The following PTPRN2 variants were observed in gnomAD, a reference collection of about 807,000 sequenced individuals.
PTPRN2 encodes the protein protein tyrosine phosphatase receptor type N2.
In PTPRN2, 74 loss-of-function variants were observed where a neutral mutation model predicts 118.8. The ratio of observed to expected loss-of-function variants is 0.62; its 90% CI spans 0.52 to 0.76. PTPRN2 has a LOEUF of 0.76. Ranked by LOEUF, PTPRN2 falls within the 30% of genes least tolerant of loss-of-function variation. The pLI is 0.00. For missense variants in PTPRN2, 1,481 were observed against 1,394.4 expected, an observed-to-expected ratio of 1.06 and a Z score of -0.99; for synonymous variants, 641 against 608.0, an observed-to-expected ratio of 1.05 and a Z score of -0.80.
At chr7:158,523,534 T>G (rs1487719942) in intron 1 of PTPRN2, among the ~76,000 whole-genome samples, 8 of 51,042 alleles carry the variant, frequency 1.6e-4, no homozygotes, top group East Asian at 1.4e-3. Flanking sequence ...GAGCAGAGTC[T>G]GCCCTGGAAT....
At chr7:157,906,407 G>C (rs539219188) in intron 11 of PTPRN2, among the ~76,000 whole-genome samples, 1 of 152,268 alleles carries the variant, frequency 6.6e-6, no homozygotes, top group South Asian at 2.1e-4. Context: ...AATTAGCAAT[G>C]TCCATACTTT....
chr7:157,645,647 C>A (rs1264674167), intron 14 of PTPRN2, among the ~76,000 whole-genome samples: 1 of 152,120 alleles, frequency 6.6e-6, no homozygotes, highest in Non-Finnish European at 1.5e-5. Flanking sequence ...TGGGGCCGGG[C>A]TGTACACACT....
chr7:157,606,462 C>T (rs777225385), intron 15 of PTPRN2, among the ~76,000 whole-genome samples: 1 of 152,266 alleles, frequency 6.6e-6, no homozygotes, highest in Non-Finnish European at 1.5e-5. Flanking sequence ...ACTGCCATCC[C>T]TGGCTGAAAT....
chr7:158,463,905 C>T (rs566481060), intron 2 of PTPRN2, among the ~76,000 whole-genome samples: 1 of 147,248 alleles, frequency 6.8e-6, no homozygotes, highest in Non-Finnish European at 1.5e-5. Context: ...TCCTTACCAT[C>T]GCCATCATTG....
intron 12 of PTPRN2, among the ~76,000 whole-genome samples, chr7:157,754,845 G>A (rs894590168): frequency 2.1e-4 from 32 of 152,310 alleles, no homozygotes; most frequent in African/African-American, 4.8e-4. Flanking sequence ...ACTCTGCAGC[G>A]GGGTGTGCTT....
At chr7:157,602,545 C>T (rs1166603773) in intron 16 of PTPRN2, among the ~76,000 whole-genome samples, 1 of 151,910 alleles carries the variant, frequency 6.6e-6, no homozygotes, top group African/African-American at 2.4e-5. Context: ...TCAGTGGCCA[C>T]TGAGACCAGC....
chr7:157,615,261 CCA>C lies in PTPRN2; in HGVS notation c.2344+6099_2344+6100del. 2.9e-6 allele frequency: 1 copy of C among 350,540 alleles called. No homozygotes were observed. Among genetic ancestry groups the C allele is most frequent in the Admixed American group, 3.8e-5 (1 of 26,346 alleles). The allele number at this position is 350,540 out of a possible 1,614,324, so 21.7% of individuals were successfully genotyped here. On this transcript the variant is annotated intron_variant, in intron 15 of 22. Transcript: ENST00000389418. The surrounding 1 kb of genome is among the most constrained non-coding windows in gnomAD (Gnocchi z 4.3). ...GGGGGAGGAAGTCATGCTAAGCCAG[CCA>C]CACTTCTGCTCCAGAGAGGGCCCTG... is the stretch of plus-strand genomic sequence containing the variant.
chr7:158,252,856 G>GGGGA (rs1554425845), intron 3 of PTPRN2, among the ~76,000 whole-genome samples: 1 of 151,872 alleles, frequency 6.6e-6, no homozygotes, highest in Non-Finnish European at 1.5e-5. Context: ...CCCGATTGAT[G>GGGGA]GGGAGATTAA....
chr7:158,517,298 G>T lies in PTPRN2; in HGVS notation c.113-27513C>A, dbSNP rs1823641825. Reference sequence around the variant, plus strand: ...ACAGCCCACAGCCTTGGAGGAGGCAGAGTGCGGGCAGCGCCCCCTCACAGA... The same window carrying T: ...ACAGCCCACAGCCTTGGAGGAGGCATAGTGCGGGCAGCGCCCCCTCACAGA... On this transcript the variant is annotated intron_variant, in intron 1 of 22. Transcript: ENST00000389418. The surrounding 1 kb of genome is among the most constrained non-coding windows in gnomAD (Gnocchi z 5.3). Among the ~76,000 whole-genome samples the T allele has an allele frequency of 6.6e-6, 1 of 152,218 alleles. No homozygotes were observed. The highest frequency in any genetic ancestry group is 1.5e-5 in the Non-Finnish European group (1 of 68,046).
intron 12 of PTPRN2, among the ~76,000 whole-genome samples, chr7:157,777,818 T>C (rs951958747): frequency 1.1e-4 from 16 of 152,234 alleles, no homozygotes; most frequent in African/African-American, 3.6e-4. Flanking sequence ...TTTATTGTTA[T>C]TTACTTTAAA....
At chr7:158,390,098 G>C (rs2151376403) in intron 2 of PTPRN2, among the ~76,000 whole-genome samples, 1 of 152,322 alleles carries the variant, frequency 6.6e-6, no homozygotes, top group South Asian at 2.1e-4. Context: ...GATCTTCTTT[G>C]TGCCCCAGCT....
intron 11 of PTPRN2, among the ~76,000 whole-genome samples, chr7:158,041,576 T>C (rs894432446): frequency 2.0e-5 from 3 of 152,068 alleles, no homozygotes; most frequent in East Asian, 3.9e-4. Flanking sequence ...AGGCAGAGGT[T>C]GCAGTGAGCC....
rs1796542318 is a variant in PTPRN2 at position 157,674,039 on chromosome 7, G to A, written c.2001+8686C>T. Reference sequence around the variant, plus strand: ...CAGCTCCAAGTTCAGCTATCCCGAGGTTCCAAGGCTGTCTGCCCACCCAGA... The same window carrying A: ...CAGCTCCAAGTTCAGCTATCCCGAGATTCCAAGGCTGTCTGCCCACCCAGA... On this transcript the variant is annotated intron_variant, in intron 13 of 22. Transcript: ENST00000389418. This position sits in a 1 kb window ranked among gnomAD's most constrained non-coding sequence, Gnocchi z 4.5. 6.6e-6 allele frequency among the ~76,000 whole-genome samples: 1 copy of A among 152,168 alleles called. No homozygotes were observed. The highest frequency in any genetic ancestry group is 2.4e-5 in the African/African-American group (1 of 41,438).
At chr7:157,991,159 C>A (rs1314042158) in intron 11 of PTPRN2, among the ~76,000 whole-genome samples, 1 of 152,210 alleles carries the variant, frequency 6.6e-6, no homozygotes, top group Non-Finnish European at 1.5e-5. Flanking sequence ...AGGCACCCAG[C>A]CTGATGCAGC....
At chr7:158,166,800 C>T in intron 6 of PTPRN2, 131 bp downstream of exon 6, 1 of 1,206,154 alleles carries the variant, frequency 8.3e-7, no homozygotes, top group Non-Finnish European at 1.1e-6. Flanking sequence ...GTGCCCCATT[C>T]CTGCCACGCG....
At position 157,591,915 on chromosome 7, in the gene PTPRN2, C is replaced by G. The variant is rs955899406; in HGVS notation, c.2496+3323G>C. On this transcript the variant is annotated intron_variant, in intron 17 of 22. Transcript: ENST00000389418. The surrounding 1 kb of genome is among the most constrained non-coding windows in gnomAD (Gnocchi z 4.4). ...GACGTCTGCAGGGAGCAAAATGAAGCGAGTTTCTTTAGTTCACAATTTCTC... is the reference window on the plus strand; with the variant it reads ...GACGTCTGCAGGGAGCAAAATGAAGGGAGTTTCTTTAGTTCACAATTTCTC... Among the ~76,000 whole-genome samples the G allele has an allele frequency of 6.6e-6, 1 of 152,094 alleles. No homozygotes were observed. Among genetic ancestry groups the G allele is most frequent in the Non-Finnish European group, 1.5e-5 (1 of 68,022 alleles).
At chr7:158,182,748 G>C (rs1428403510) in intron 5 of PTPRN2, among the ~76,000 whole-genome samples, 2 of 152,176 alleles carry the variant, frequency 1.3e-5, no homozygotes, top group African/African-American at 4.8e-5. Flanking sequence ...GTGCTCATGA[G>C]GAGAATGTAT....
At chr7:158,439,124 A>G (rs1816788268) in intron 2 of PTPRN2, among the ~76,000 whole-genome samples, 1 of 152,230 alleles carries the variant, frequency 6.6e-6, no homozygotes, top group East Asian at 1.9e-4. Context: ...ATTTCCAGTC[A>G]TCCCGCCTTA....
At chr7:158,245,192 GGTC>G (rs1796150998) in intron 3 of PTPRN2, among the ~76,000 whole-genome samples, 1 of 99,876 alleles carries the variant, frequency 1.0e-5, no homozygotes, top group Non-Finnish European at 2.2e-5. Context: ...CGGAATCCGT[GGTC>G]ATGCTGGAAT....
Sources: gnomAD v4.1 joint callset for allele counts (sites outside exome capture counted in the v4.1 genomes callset) on GRCh38, gnomAD v4.1.1 for gene constraint, Gnocchi (gnomAD v3.1) non-coding constraint, MANE v1.5 for transcripts, NCBI Gene and HGNC (gene_info 2026-07-23, HGNC 2026-07-21) for gene names.